Variants in GNB1L observed in about 807,000 individuals in gnomAD.
GNB1L encodes the protein guanine nucleotide-binding protein subunit beta-like protein 1.
A neutral mutation model predicts 29.1 loss-of-function variants in GNB1L; 20 were observed. The ratio of observed to expected loss-of-function variants is 0.69; its 90% CI spans 0.48 to 1.00. The LOEUF (loss-of-function observed/expected upper bound fraction) is 1.00. Ranked by LOEUF, GNB1L falls within the 50% of genes least tolerant of loss-of-function variation. The pLI is 0.00. For missense variants in GNB1L, 421 were observed against 464.9 expected, an observed-to-expected ratio of 0.91 and a Z score of 0.87; for synonymous variants, 193 against 206.5, an observed-to-expected ratio of 0.93 and a Z score of 0.56.
intron 7 of GNB1L, among the ~76,000 whole-genome samples, chr22:19,796,668 G>A (rs906791417): frequency 5.9e-5 from 9 of 152,142 alleles, no homozygotes; most frequent in African/African-American, 1.9e-4. Flanking sequence ...TAAAAATGGG[G>A]TCTGCCTGGA....
At chr22:19,840,056 C>T (rs1398355641) in intron 2 of GNB1L, among the ~76,000 whole-genome samples, 1 of 129,862 alleles carries the variant, frequency 7.7e-6, no homozygotes, top group African/African-American at 2.8e-5. Flanking sequence ...ACAGCAAGAT[C>T]TTGCCTCAAA....
intron 7 of GNB1L, chr22:19,792,332 T>C: frequency 1.0e-6 from 1 of 998,970 alleles, no homozygotes; most frequent in Non-Finnish European, 1.6e-6. Context: ...AGAAGGTGGC[T>C]CTGGCCCCTG....
rs1242725021 is a variant in GNB1L, at chr22:19,788,549, C to T, written c.*160G>A. On this transcript the variant is annotated 3_prime_UTR_variant, in exon 8 of 8. Transcript: ENST00000329517. ...CACCGTCCTGTGATGAGGCACTCCACAAAAGGAAATACCAACCTCATGAAG... is the reference window on the plus strand; with the variant it reads ...CACCGTCCTGTGATGAGGCACTCCATAAAAGGAAATACCAACCTCATGAAG... 1.1e-5 allele frequency: 11 copies of T among 979,756 alleles called. No individual in the cohort carries two copies. The highest frequency in any genetic ancestry group is 1.8e-5 in the Non-Finnish European group (11 of 606,580). 60.7% of individuals were successfully genotyped at this position (979,756 alleles called of 1,614,324 possible).
chr22:19,788,808 G>A lies in GNB1L; in HGVS notation c.885C>T (p.Ser295=), dbSNP rs771462908. The A allele has an allele frequency of 8.1e-5, 130 of 1,612,510 alleles. 1 individual carries two copies. Among genetic ancestry groups the A allele is most frequent in the African/African-American group, 2.7e-5 (2 of 74,948 alleles). ...TGAAGGCCACGCACTGGACAGCGGCGCTGTGGAAGGCCAGCACGGCCAGTG... is the reference window on the plus strand; with the variant it reads ...TGAAGGCCACGCACTGGACAGCGGCACTGTGGAAGGCCAGCACGGCCAGTG... ...MQPLAVLAFH[S]AAVQCVAFTA... is the part of the protein sequence containing the mutation. Residue 295 remains serine (S), a synonymous_variant, in exon 8 of 8, where the codon AGC becomes AGT. Transcript: ENST00000329517.
At chr22:19,817,933 G>T (rs1467724014) in intron 4 of GNB1L, among the ~76,000 whole-genome samples, 1 of 152,228 alleles carries the variant, frequency 6.6e-6, no homozygotes, top group East Asian at 1.9e-4. Flanking sequence ...GAAGGCACAG[G>T]TGTGTCCTTG....
intron 4 of GNB1L, among the ~76,000 whole-genome samples, chr22:19,814,955 G>A (rs1364229864): frequency 6.6e-6 from 1 of 151,892 alleles, no homozygotes; most frequent in Non-Finnish European, 1.5e-5. Context: ...AGAATTGCTT[G>A]AGCCTGGGAG....
In GNB1L at chr22:19,846,340, A is replaced by G. The variant is rs139608143; in HGVS notation, c.-21+8103T>C. ...TGGGAATACAGGATAATGCCTTTGT[A>G]CCCCCCAGGTAGGGAAAGATTTCTT... On this transcript the variant is annotated intron_variant, in intron 2 of 7. Coordinates refer to ENST00000329517, the MANE Select transcript of GNB1L (RefSeq NM_053004.3). The G allele has an allele frequency of 8.7e-4, 706 of 815,192 alleles. 3 individuals carry two copies. The African/African-American group carries it at 0.012, about 14-fold the overall frequency. The allele number at this position is 815,192 out of a possible 1,614,324, so 50.5% of individuals were successfully genotyped here.
chr22:19,803,562 A>G (rs1937399391), intron 6 of GNB1L, among the ~76,000 whole-genome samples: 1 of 152,160 alleles, frequency 6.6e-6, no homozygotes, highest in Non-Finnish European at 1.5e-5. Flanking sequence ...CACCTTTCAG[A>G]TCACCTGCTG....
At chr22:19,853,272 G>A (rs1938152953) in intron 2 of GNB1L, among the ~76,000 whole-genome samples, 1 of 151,914 alleles carries the variant, frequency 6.6e-6, no homozygotes, top group African/African-American at 2.4e-5. Context: ...GTCTGCTCCC[G>A]CCACTCCAGT....
chr22:19,844,300 C>G (rs186299690), intron 2 of GNB1L, among the ~76,000 whole-genome samples: 6 of 152,236 alleles, frequency 3.9e-5, no homozygotes, highest in African/African-American at 1.4e-4. Flanking sequence ...TGTTCTCCCC[C>G]GAGGCACTGC....
intron 2 of GNB1L, among the ~76,000 whole-genome samples, chr22:19,831,109 C>T (rs902927199): frequency 4.6e-5 from 7 of 152,136 alleles, no homozygotes; most frequent in Non-Finnish European, 8.8e-5. Flanking sequence ...TTAGATACAA[C>T]GCCTGTAATC....
chr22:19,839,366 T>C (rs1035446742), intron 2 of GNB1L, among the ~76,000 whole-genome samples: 1 of 152,150 alleles, frequency 6.6e-6, no homozygotes. Context: ...CCCCAGTGGA[T>C]GCCTAAAACC....
intron 2 of GNB1L, chr22:19,851,836 G>A (rs770026588): frequency 1.2e-6 from 2 of 1,613,984 alleles, no homozygotes; most frequent in Non-Finnish European, 1.7e-6. Flanking sequence ...GGCGCCTGAG[G>A]ATCTCGCAGA....
At chr22:19,850,965 C>T in intron 2 of GNB1L, 8 of 1,385,022 alleles carry the variant, frequency 5.8e-6, no homozygotes, top group Non-Finnish European at 7.5e-6. Flanking sequence ...AGGGAAAGGG[C>T]ACAGGGCGGA....
chr22:19,850,601 C>A, intron 2 of GNB1L: 1 of 1,198,946 alleles, frequency 8.3e-7, no homozygotes, highest in Non-Finnish European at 1.0e-6. Context: ...TCATTCTTTG[C>A]CAAGATGCTA....
chr22:19,838,141 T>C (rs1490863648), intron 2 of GNB1L, among the ~76,000 whole-genome samples: 1 of 152,246 alleles, frequency 6.6e-6, no homozygotes, highest in Non-Finnish European at 1.5e-5. Flanking sequence ...TCTATTTTTG[T>C]GCTCATTAAA....
At chr22:19,835,381 A>C (rs199701546) in intron 2 of GNB1L, among the ~76,000 whole-genome samples, 4,159 of 151,436 alleles carry the variant, frequency 0.027, 133 homozygotes, top group South Asian at 0.084. Flanking sequence ...TGTAAAAAAA[A>C]AAAAAAACAA....
chr22:19,802,228 A>G lies in GNB1L; in HGVS notation c.517-12T>C. On this transcript the variant is annotated splice_polypyrimidine_tract_variant and intron_variant, in intron 6 of 7. Coordinates refer to ENST00000329517, the MANE Select transcript of GNB1L (RefSeq NM_053004.3). ...GAGCTGCAGTCGGCCTGCGGGGAACAGCAGAGCAGTCAGCTCCTGGAAGGA... is the reference window on the plus strand; with the variant it reads ...GAGCTGCAGTCGGCCTGCGGGGAACGGCAGAGCAGTCAGCTCCTGGAAGGA... 1.9e-6 allele frequency: 3 copies of G among 1,609,466 alleles called. No individual in the cohort carries two copies. The highest frequency in any genetic ancestry group is 2.5e-6 in the Non-Finnish European group (3 of 1,178,094).
At chr22:19,804,434 C>A (rs1937409599) in intron 6 of GNB1L, among the ~76,000 whole-genome samples, 1 of 152,198 alleles carries the variant, frequency 6.6e-6, no homozygotes, top group Non-Finnish European at 1.5e-5. Context: ...GAGGGCTATG[C>A]CAGTGACTGC....
Sources: gnomAD v4.1 joint callset for allele counts (sites outside exome capture counted in the v4.1 genomes callset) on GRCh38, gnomAD v4.1.1 for gene constraint, MANE v1.5 for transcripts, NCBI Gene and HGNC (gene_info 2026-07-23, HGNC 2026-07-21) for gene names.